DIAPH2: variants seen among roughly 807,000 people sequenced by gnomAD.
DIAPH2 encodes the protein diaphanous related formin 2, also known as protein diaphanous homolog 2.
DIAPH2 carries 35 observed loss-of-function variants against 92.7 expected under a neutral mutation model. The observed-to-expected ratio is 0.38, with a 90% CI of 0.29 to 0.50. The LOEUF is 0.50. DIAPH2 is among the 20% of genes least tolerant of loss of function. The pLI, the probability that DIAPH2 is intolerant of heterozygous loss-of-function variation, is 0.94. For synonymous variants in DIAPH2, 301 were observed against 280.4 expected, an observed-to-expected ratio of 1.07 and a Z score of -0.73; for missense variants, 701 against 819.5, an observed-to-expected ratio of 0.86 and a Z score of 1.77.
intron 26 of DIAPH2, among the ~76,000 whole-genome samples, chrX:97,493,765 A>T: frequency 9.1e-6 from 1 of 109,361 alleles, no homozygotes; most frequent in Non-Finnish European, 1.9e-5. Flanking sequence ...ACATACCTGT[A>T]ATCCCAGCTA....
intron 9 of DIAPH2, among the ~76,000 whole-genome samples, chrX:96,922,901 A>G (rs1422372453): frequency 9.0e-6 from 1 of 111,653 alleles, no homozygotes; most frequent in African/African-American, 3.3e-5. Flanking sequence ...ACAAGTAAGC[A>G]TTTTTCATAA....
At chrX:96,941,262 T>C (rs2065702592) in intron 12 of DIAPH2, among the ~76,000 whole-genome samples, 1 of 111,929 alleles carries the variant, frequency 8.9e-6, no homozygotes, top group African/African-American at 3.2e-5. Context: ...CTCTGTTGAA[T>C]TTATTATCCT....
At chrX:97,400,235 A>G (rs1022213916) in intron 25 of DIAPH2, among the ~76,000 whole-genome samples, 1 of 112,556 alleles carries the variant, frequency 8.9e-6, no homozygotes, top group Admixed American at 9.4e-5. Context: ...TATATAATGT[A>G]TGTGTGAATA....
chrX:97,081,269 G>GT (rs1488200508), intron 19 of DIAPH2, among the ~76,000 whole-genome samples: 1 of 109,264 alleles, frequency 9.2e-6, no homozygotes, highest in East Asian at 2.9e-4. Context: ...ATTTTTTTTT[G>GT]TTTTTTTCTT....
intron 19 of DIAPH2, among the ~76,000 whole-genome samples, chrX:97,084,846 A>G (rs1056520817): frequency 5.4e-5 from 6 of 111,659 alleles, no homozygotes; most frequent in Non-Finnish European, 1.1e-4. Flanking sequence ...AAACCTTTTA[A>G]TATTTATACA....
At chrX:97,256,736 C>T (rs1198701775) in intron 23 of DIAPH2, among the ~76,000 whole-genome samples, 1 of 111,597 alleles carries the variant, frequency 9.0e-6, no homozygotes, top group Non-Finnish European at 1.9e-5. Flanking sequence ...GCCATCTCGG[C>T]TCACTGCAAC....
intron 15 of DIAPH2, among the ~76,000 whole-genome samples, chrX:96,949,730 G>T (rs2065761863): frequency 9.4e-6 from 1 of 106,009 alleles, no homozygotes; most frequent in East Asian, 2.9e-4. Flanking sequence ...AGTGGTGGTG[G>T]GCTCCTGTAG....
At chrX:97,324,119 A>G (rs2068930382) in intron 23 of DIAPH2, among the ~76,000 whole-genome samples, 1 of 111,537 alleles carries the variant, frequency 9.0e-6, no homozygotes, top group Non-Finnish European at 1.9e-5. Context: ...ATATTTAAAT[A>G]GATGACAGTG....
intron 22 of DIAPH2, among the ~76,000 whole-genome samples, chrX:97,243,118 A>G (rs2068111007): frequency 9.0e-6 from 1 of 111,524 alleles, no homozygotes; most frequent in East Asian, 2.8e-4. Flanking sequence ...AATGACAACA[A>G]AGTATTAAAC....
At chrX:96,983,485 G>A (rs1179530807) in intron 17 of DIAPH2, among the ~76,000 whole-genome samples, 2 of 112,260 alleles carry the variant, frequency 1.8e-5, no homozygotes, top group Non-Finnish European at 3.8e-5. Context: ...AGCAGTGCCT[G>A]AGGCAGCTTC....
intron 23 of DIAPH2, among the ~76,000 whole-genome samples, chrX:97,279,487 A>G (rs747633901): frequency 2.6e-4 from 29 of 109,512 alleles, no homozygotes; most frequent in Admixed American, 4.9e-4. Flanking sequence ...TATTTTTGGT[A>G]GAGACGGGAT....
chrX:97,503,440 T>C lies in DIAPH2; in HGVS notation c.3241+73695T>C, dbSNP rs768905569. Among the ~76,000 whole-genome samples, 8 of 112,183 alleles carry C rather than the reference T, an allele frequency of 7.1e-5. No individual in the cohort carries two copies. The East Asian group carries it at 2.0e-3, about 27-fold the overall frequency. ...GCTCAAAGGACTCTGAGAAGTCATATAGTCCAAATCCTTCATTTTCCAGAA... is the reference window on the plus strand; with the variant it reads ...GCTCAAAGGACTCTGAGAAGTCATACAGTCCAAATCCTTCATTTTCCAGAA... On this transcript the variant is annotated intron_variant, in intron 26 of 26. Transcript: ENST00000324765.
At chrX:96,823,008 C>T (rs1456270345) in intron 4 of DIAPH2, among the ~76,000 whole-genome samples, 1 of 111,318 alleles carries the variant, frequency 9.0e-6, no homozygotes, top group Non-Finnish European at 1.9e-5. Context: ...GATGGCTGTG[C>T]ATATATTCAG....
chrX:96,793,210 G>C (rs1280412581), intron 4 of DIAPH2, among the ~76,000 whole-genome samples: 3 of 112,192 alleles, frequency 2.7e-5, no homozygotes, highest in South Asian at 3.8e-4. Context: ...GCCCAGGCTA[G>C]AGTGCAGTGG....
intron 26 of DIAPH2, among the ~76,000 whole-genome samples, chrX:97,541,079 C>T (rs780842088): frequency 9.0e-6 from 1 of 111,333 alleles, no homozygotes; most frequent in South Asian, 3.8e-4. Context: ...CTTATAAGTA[C>T]AATAAAAATC....
rs780980703 is a variant in DIAPH2, at chrX:96,848,286, C to T, written c.448-33293C>T. ...GAACTCCTGGCTTCAAGCAATCCTC[C>T]CGCCATGGCCTCCCAAAGTGCTGGG... is the stretch of plus-strand genomic sequence containing the variant. On this transcript the variant is annotated intron_variant, in intron 4 of 26. Transcript: ENST00000324765. 3.6e-5 allele frequency among the ~76,000 whole-genome samples: 4 copies of T among 111,695 alleles called. No homozygotes were observed. The South Asian group carries it at 1.5e-3, about 42-fold the overall frequency.
At chrX:97,194,501 G>A (rs62595806) in intron 22 of DIAPH2, among the ~76,000 whole-genome samples, 31,333 of 108,846 alleles carry the variant, frequency 0.29, 4,054 homozygotes, top group East Asian at 0.61. Flanking sequence ...AGCCAGGATG[G>A]TCTCGATCTC....
intron 4 of DIAPH2, among the ~76,000 whole-genome samples, chrX:96,803,628 A>G (rs1299355302): frequency 8.9e-6 from 1 of 112,599 alleles, no homozygotes; most frequent in Non-Finnish European, 1.9e-5. Flanking sequence ...TATTAATAGC[A>G]CTTTCCAAAA....
chrX:96,978,665 ATATT>A (rs1307339746), intron 17 of DIAPH2, among the ~76,000 whole-genome samples: 1 of 110,489 alleles, frequency 9.1e-6, no homozygotes, highest in Non-Finnish European at 1.9e-5. Flanking sequence ...TTATTAATAA[ATATT>A]AATATTAATT....
Sources: gnomAD v4.1 joint callset for allele counts (sites outside exome capture counted in the v4.1 genomes callset) on GRCh38, gnomAD v4.1.1 for gene constraint, MANE v1.5 for transcripts, NCBI Gene and HGNC (gene_info 2026-07-23, HGNC 2026-07-21) for gene names.